The following FHIT variants were observed in gnomAD, a reference collection of about 807,000 sequenced individuals.
The protein encoded by FHIT is bis(5'-adenosyl)-triphosphatase.
A neutral mutation model predicts 17.9 loss-of-function variants in FHIT; 19 were observed. The ratio of observed to expected loss-of-function variants is 1.06; its 90% CI spans 0.74 to 1.56. The LOEUF (loss-of-function observed/expected upper bound fraction) is 1.56, where lower values mean the gene tolerates loss of function less well. Ranked by LOEUF, FHIT falls within the 40% of genes most tolerant of loss-of-function variation. The pLI, the probability that FHIT is intolerant of heterozygous loss-of-function variation, is 0.00. For missense variants in FHIT, 248 were observed against 189.2 expected (o/e 1.31, Z -1.82); for synonymous variants, 81 against 69.7 (o/e 1.16, Z -0.81).
At chr3:60,051,414 C>T (rs189913285) in intron 5 of FHIT, among the ~76,000 whole-genome samples, 3 of 148,102 alleles carry the variant, frequency 2.0e-5, no homozygotes, top group East Asian at 4.0e-4. Context: ...AAGGTGAACA[C>T]CTAGACATAA....
chr3:61,131,023 G>A (rs963195171), intron 2 of FHIT, among the ~76,000 whole-genome samples: 1 of 152,188 alleles, frequency 6.6e-6, no homozygotes, highest in Admixed American at 6.5e-5. Context: ...TAAAGTAGTT[G>A]GCCAAAGTTC....
chr3:61,227,266 C>T (rs965663389), intron 1 of FHIT, among the ~76,000 whole-genome samples: 2 of 152,088 alleles, frequency 1.3e-5, no homozygotes, highest in Non-Finnish European at 2.9e-5. Flanking sequence ...ATTGTCTTTC[C>T]TTATTTCAAT....
chr3:59,754,946 AT>A (rs755512970), intron 8 of FHIT, among the ~76,000 whole-genome samples: 15,175 of 152,184 alleles, frequency 0.1, 903 homozygotes, highest in South Asian at 0.23. Context: ...GCTTTAAAAA[AT>A]AAAACCCACC....
At chr3:60,617,162 T>C (rs717228) in intron 4 of FHIT, 34,041 of 212,968 alleles carry the variant, frequency 0.16, 4,610 homozygotes, top group East Asian at 0.52. Flanking sequence ...GTTAGCATCA[T>C]ATCAAAATAA....
At chr3:60,695,265 G>T (rs1357780474) in intron 4 of FHIT, among the ~76,000 whole-genome samples, 3 of 151,916 alleles carry the variant, frequency 2.0e-5, no homozygotes, top group African/African-American at 7.3e-5. Context: ...GTGTGGTGGC[G>T]GGTACCTGTA....
intron 7 of FHIT, among the ~76,000 whole-genome samples, chr3:59,986,344 T>C (rs568683831): frequency 6.6e-6 from 1 of 151,002 alleles, no homozygotes; most frequent in Non-Finnish European, 1.5e-5. Flanking sequence ...CAAAGAAGGA[T>C]TAAGATTCCA....
intron 8 of FHIT, among the ~76,000 whole-genome samples, chr3:59,784,115 T>C (rs2106894513): frequency 6.6e-6 from 1 of 152,334 alleles, no homozygotes; most frequent in East Asian, 1.9e-4. Flanking sequence ...CTGCTCTTTC[T>C]AGGGTAAAGG....
chr3:60,181,602 G>A lies in FHIT; in HGVS notation c.104-167450C>T, dbSNP rs191754395. Among the ~76,000 whole-genome samples, 90 of 152,322 alleles carry A rather than the reference G, an allele frequency of 5.9e-4. 2 individuals carry two copies. In the East Asian group the frequency reaches 0.017, roughly 28 times the overall value. ...CCACTGGCATCAACAGAAGACCAGA[G>A]TAGAGTTTAGGTTGTTAGTAAAGAC... On this transcript the variant is annotated intron_variant, in intron 5 of 9. Transcript: ENST00000492590.
chr3:60,948,185 G>A (rs1435720800), intron 3 of FHIT, among the ~76,000 whole-genome samples: 1 of 152,002 alleles, frequency 6.6e-6, no homozygotes, highest in African/African-American at 2.4e-5. Context: ...GGTCTTACAG[G>A]CCCATTCATC....
At chr3:59,965,637 G>C (rs1707891425) in intron 7 of FHIT, among the ~76,000 whole-genome samples, 1 of 152,066 alleles carries the variant, frequency 6.6e-6, no homozygotes, top group African/African-American at 2.4e-5. Context: ...ACCTAGCACT[G>C]GAGTTTAGGT....
At position 60,917,814 on chromosome 3, in the gene FHIT, T is replaced by C. The variant is rs191020460; in HGVS notation, c.-110-95803A>G. On this transcript the variant is annotated intron_variant, in intron 3 of 9. Coordinates refer to ENST00000492590, the MANE Select transcript of FHIT (RefSeq NM_002012.4). Reference sequence around the variant, plus strand: ...CGACATTATATGATGTAGTTAGATGTATATCTGTTCATTCTGTATATCCCC... The same window carrying C: ...CGACATTATATGATGTAGTTAGATGCATATCTGTTCATTCTGTATATCCCC... Among the ~76,000 whole-genome samples the C allele has an allele frequency of 1.4e-3, 212 of 152,348 alleles. 1 individual carries two copies. Among genetic ancestry groups the C allele is most frequent in the Non-Finnish European group, 2.7e-3 (183 of 68,024 alleles).
At chr3:59,762,194 G>A (rs1362731863) in intron 8 of FHIT, among the ~76,000 whole-genome samples, 1 of 152,108 alleles carries the variant, frequency 6.6e-6, no homozygotes, top group African/African-American at 2.4e-5. Flanking sequence ...GAGTGGGACG[G>A]CGTGCAATTT....
intron 5 of FHIT, among the ~76,000 whole-genome samples, chr3:60,481,554 A>G (rs2107475466): frequency 6.6e-6 from 1 of 152,292 alleles, no homozygotes; most frequent in East Asian, 1.9e-4. Context: ...TTCAACCCAG[A>G]ATTTCATATC....
chr3:60,516,257 G>T (rs2035149517), intron 5 of FHIT, among the ~76,000 whole-genome samples: 1 of 152,222 alleles, frequency 6.6e-6, no homozygotes, highest in Admixed American at 6.5e-5. Context: ...AAACCCATAT[G>T]TTAATGTAAT....
intron 8 of FHIT, among the ~76,000 whole-genome samples, chr3:59,909,296 G>A (rs984164950): frequency 6.6e-6 from 1 of 151,452 alleles, no homozygotes; most frequent in Admixed American, 6.6e-5. Context: ...CCTCCCAAAG[G>A]GCTGGGATTA....
chr3:61,137,892 T>A (rs1057069464), intron 2 of FHIT, among the ~76,000 whole-genome samples: 1 of 152,190 alleles, frequency 6.6e-6, no homozygotes, highest in African/African-American at 2.4e-5. Context: ...AATCTGCATA[T>A]CTCCAGAGGC....
intron 2 of FHIT, among the ~76,000 whole-genome samples, chr3:61,139,246 G>A (rs1366694457): frequency 1.3e-5 from 2 of 152,062 alleles, no homozygotes; most frequent in Admixed American, 6.5e-5. Context: ...AGCCAGGATG[G>A]TCTCCATCTC....
chr3:61,184,200 T>G (rs199896578), intron 2 of FHIT, among the ~76,000 whole-genome samples: 1 of 152,016 alleles, frequency 6.6e-6, no homozygotes, highest in Non-Finnish European at 1.5e-5. Context: ...TTCACACACC[T>G]CTCGGCTAAC....
At chr3:60,467,429 GT>G (rs1284977657) in intron 5 of FHIT, among the ~76,000 whole-genome samples, 7 of 151,458 alleles carry the variant, frequency 4.6e-5, no homozygotes, top group Non-Finnish European at 8.9e-5. Context: ...TGTATCATTA[GT>G]TTTTCTACTT....
Sources: gnomAD v4.1 joint callset for allele counts (sites outside exome capture counted in the v4.1 genomes callset) on GRCh38, gnomAD v4.1.1 for gene constraint, MANE v1.5 for transcripts, NCBI Gene and HGNC (gene_info 2026-07-23, HGNC 2026-07-21) for gene names.